Variants in SSBP3 observed in about 807,000 individuals in gnomAD.
The protein encoded by SSBP3 is single-stranded DNA-binding protein 3.
A neutral mutation model predicts 69.6 loss-of-function variants in SSBP3; 5 were observed. The ratio of observed to expected loss-of-function variants is 0.07; its 90% CI spans 0.04 to 0.15. SSBP3 has a LOEUF of 0.15. Ranked by LOEUF, SSBP3 falls within the 10% of genes least tolerant of loss-of-function variation. The pLI is 1.00. For synonymous variants in SSBP3, 196 were observed against 193.4 expected (o/e 1.01, Z -0.11); for missense variants, 312 against 534.0 (o/e 0.58, Z 4.10).
chr1:54,318,558 TG>T (rs997981174), intron 4 of SSBP3, among the ~76,000 whole-genome samples: 8 of 152,144 alleles, frequency 5.3e-5, no homozygotes, highest in African/African-American at 1.9e-4. Context: ...CCCCAGAGTT[TG>T]GGGGGCTGGG....
intron 4 of SSBP3, chr1:54,325,222 G>C (rs963859083): frequency 6.4e-6 from 1 of 156,540 alleles, no homozygotes; most frequent in Non-Finnish European, 1.5e-5. Context: ...AGTGCCTTTC[G>C]GTATTGTAGC....
At chr1:54,344,398 T>C (rs775525991) in intron 4 of SSBP3, among the ~76,000 whole-genome samples, 13 of 152,220 alleles carry the variant, frequency 8.5e-5, no homozygotes, top group African/African-American at 1.2e-4. Flanking sequence ...CTGCCCAAAG[T>C]AGGCTCTTGA....
At chr1:54,307,144 C>T (rs1190244450) in intron 4 of SSBP3, among the ~76,000 whole-genome samples, 2 of 152,182 alleles carry the variant, frequency 1.3e-5, no homozygotes, top group Non-Finnish European at 2.9e-5. Flanking sequence ...CTTCTGCCTT[C>T]CGGCCCTAGA....
At chr1:54,360,917 T>C (rs1205187575) in intron 4 of SSBP3, among the ~76,000 whole-genome samples, 1 of 121,036 alleles carries the variant, frequency 8.3e-6, no homozygotes, top group Non-Finnish European at 1.7e-5. Flanking sequence ...TTGTCTCTAC[T>C]TAAAAAAAAA....
chr1:54,353,966 C>G (rs1646823298), intron 4 of SSBP3, among the ~76,000 whole-genome samples: 1 of 152,124 alleles, frequency 6.6e-6, no homozygotes, highest in African/African-American at 2.4e-5. Context: ...GACTGACTCC[C>G]CAAATCATAC....
intron 4 of SSBP3, among the ~76,000 whole-genome samples, chr1:54,307,490 C>T (rs1645921532): frequency 6.6e-6 from 1 of 152,190 alleles, no homozygotes; most frequent in Non-Finnish European, 1.5e-5. Flanking sequence ...GACTTGGGCT[C>T]CTTGAGGGCA....
intron 5 of SSBP3, among the ~76,000 whole-genome samples, chr1:54,270,703 C>T (rs1645178244): frequency 1.3e-5 from 2 of 152,208 alleles, no homozygotes; most frequent in Non-Finnish European, 2.9e-5. Context: ...CCCAGACACG[C>T]CTACAACAAC....
intron 13 of SSBP3, among the ~76,000 whole-genome samples, chr1:54,240,045 GGGGTGTGTGTGTGTGTGTGTGTGTGT>G (rs1436889737): frequency 1.8e-4 from 12 of 65,460 alleles, no homozygotes; most frequent in Admixed American, 6.7e-4. Flanking sequence ...TAATTGTGAT[GGGGTGTGTGTGTGTGTGTGTGTGTGT>G]GTGTGTGTGT....
intron 5 of SSBP3, among the ~76,000 whole-genome samples, chr1:54,280,877 G>A (rs373772201): frequency 1.3e-5 from 2 of 152,226 alleles, no homozygotes; most frequent in African/African-American, 4.8e-5. Flanking sequence ...GGCAGAGCAC[G>A]GGCACAGATG....
At chr1:54,276,841 C>T (rs971857083) in intron 5 of SSBP3, among the ~76,000 whole-genome samples, 1 of 152,104 alleles carries the variant, frequency 6.6e-6, no homozygotes, top group African/African-American at 2.4e-5. Flanking sequence ...ACCTCTCCAG[C>T]CTCATCTCCC....
intron 2 of SSBP3, 94 bp downstream of exon 2, chr1:54,404,764 G>A: frequency 1.7e-6 from 2 of 1,144,506 alleles, no homozygotes; most frequent in Non-Finnish European, 2.5e-6. Flanking sequence ...ATTCAAAATG[G>A]TGGCCACAGT....
At chr1:54,411,287 G>A (rs914306628), upstream of SSBP3, among the ~76,000 whole-genome samples, 3 of 152,018 alleles carry the variant, frequency 2.0e-5, no homozygotes, top group East Asian at 1.9e-4. Flanking sequence ...AGACCAGCCC[G>A]GCCAACATGG....
At chr1:54,280,046 C>A (rs1270807398) in intron 5 of SSBP3, among the ~76,000 whole-genome samples, 4 of 152,194 alleles carry the variant, frequency 2.6e-5, no homozygotes, top group Admixed American at 2.6e-4. Flanking sequence ...GCATACAGAT[C>A]CACATGTGGC....
At chr1:54,410,499 T>C (rs941298255), upstream of SSBP3, among the ~76,000 whole-genome samples, 46 of 152,176 alleles carry the variant, frequency 3.0e-4, no homozygotes, top group African/African-American at 1.1e-3. Flanking sequence ...CTGGGGGCTG[T>C]TTCAGTGGAA....
intron 4 of SSBP3, among the ~76,000 whole-genome samples, chr1:54,281,988 C>G (rs967523145): frequency 6.6e-6 from 1 of 151,406 alleles, no homozygotes; most frequent in Non-Finnish European, 1.5e-5. Context: ...TCCACTTACT[C>G]GGGAGGTTGA....
chr1:54,228,167 C>T, intron 17 of SSBP3, 88 bp downstream of exon 17: 1 of 1,228,796 alleles, frequency 8.1e-7, no homozygotes. Context: ...AGCTGGCAGG[C>T]TGCAGCCCGG....
At position 54,281,365 on chromosome 1, in the gene SSBP3, C is replaced by T. The variant is rs767398946; in HGVS notation, c.366+73G>A. 7 of 1,288,100 alleles carry T rather than the reference C, an allele frequency of 5.4e-6. No individual in the cohort carries two copies. The South Asian group carries it at 5.9e-5, about 11-fold the overall frequency. The allele number at this position is 1,288,100 out of a possible 1,614,324, so 79.8% of individuals were successfully genotyped here. A position where few individuals can be genotyped will look rare whatever the true frequency, so the allele number is the denominator to read the frequency against. ...CAAACTGAGCTACTTACTTCTCTCCCGCCCTCCCACCTGCCCAGGGCCTCG... is the reference window on the plus strand; with the variant it reads ...CAAACTGAGCTACTTACTTCTCTCCTGCCCTCCCACCTGCCCAGGGCCTCG... On this transcript the variant is annotated intron_variant, in intron 5 of 17. Coordinates refer to ENST00000610401, the Ensembl canonical transcript of SSBP3.
chr1:54,380,547 T>C (rs529889816), intron 4 of SSBP3, among the ~76,000 whole-genome samples: 1 of 152,346 alleles, frequency 6.6e-6, no homozygotes, highest in East Asian at 1.9e-4. Context: ...ATCTCAAGTC[T>C]GCAAGACAGC....
chr1:54,398,477 C>A (rs1649055355), intron 4 of SSBP3, among the ~76,000 whole-genome samples: 1 of 152,212 alleles, frequency 6.6e-6, no homozygotes, highest in South Asian at 2.1e-4. Flanking sequence ...CACTTCCCTG[C>A]AGGTCCACCC....
Sources: gnomAD v4.1 joint callset for allele counts (sites outside exome capture counted in the v4.1 genomes callset) on GRCh38, gnomAD v4.1.1 for gene constraint, MANE v1.5 for transcripts, NCBI Gene and HGNC (gene_info 2026-07-23, HGNC 2026-07-21) for gene names.